Variants in ST6GALNAC3 observed in about 807,000 individuals in gnomAD.
The protein encoded by ST6GALNAC3 is alpha-N-acetylgalactosaminide alpha-2,6-sialyltransferase 3.
ST6GALNAC3 carries 25 observed loss-of-function variants against 32.7 expected under a neutral mutation model. The ratio of observed to expected loss-of-function variants is 0.76; its 90% CI spans 0.56 to 1.07. The LOEUF is 1.07. Among genes scored for constraint, ST6GALNAC3 ranks in the 50% least tolerant of loss-of-function variants. The pLI is 0.00. For missense variants in ST6GALNAC3, 355 were observed against 382.4 expected (o/e 0.93, Z 0.60); for synonymous variants, 129 against 133.1 (o/e 0.97, Z 0.21).
At chr1:76,210,560 A>C (rs1655096959) in intron 1 of ST6GALNAC3, among the ~76,000 whole-genome samples, 1 of 152,160 alleles carries the variant, frequency 6.6e-6, no homozygotes, top group African/African-American at 2.4e-5. Flanking sequence ...AAAATACTGC[A>C]GGCTGGGTGG....
chr1:76,522,299 T>C (rs1662592411), intron 3 of ST6GALNAC3, among the ~76,000 whole-genome samples: 1 of 152,130 alleles, frequency 6.6e-6, no homozygotes, highest in South Asian at 2.1e-4. Context: ...TGCTTTTAGT[T>C]TGCTGATTTT....
intron 1 of ST6GALNAC3, among the ~76,000 whole-genome samples, chr1:76,201,392 T>C (rs557122353): frequency 6.6e-6 from 1 of 152,288 alleles, no homozygotes; most frequent in South Asian, 2.1e-4. Flanking sequence ...GAGAACAGCA[T>C]GGGAAAAATC....
At chr1:76,549,067 A>G (rs1331651948) in intron 3 of ST6GALNAC3, among the ~76,000 whole-genome samples, 1 of 152,216 alleles carries the variant, frequency 6.6e-6, no homozygotes, top group African/African-American at 2.4e-5. Flanking sequence ...CTGGTTATCA[A>G]AATTTGATTT....
At chr1:76,490,080 G>A (rs577436599) in intron 3 of ST6GALNAC3, among the ~76,000 whole-genome samples, 5 of 152,152 alleles carry the variant, frequency 3.3e-5, no homozygotes, top group East Asian at 3.9e-4. Context: ...TCCCTGCCCC[G>A]ACAGCCTCTG....
At chr1:76,179,983 T>A (rs988175944) in intron 1 of ST6GALNAC3, among the ~76,000 whole-genome samples, 1 of 152,222 alleles carries the variant, frequency 6.6e-6, no homozygotes, top group Admixed American at 6.5e-5. Flanking sequence ...TGTTTTCCCC[T>A]TACCATGCTT....
intron 1 of ST6GALNAC3, among the ~76,000 whole-genome samples, chr1:76,267,186 C>T (rs971290888): frequency 3.9e-5 from 6 of 152,148 alleles, no homozygotes; most frequent in African/African-American, 7.2e-5. Flanking sequence ...ACTTTTGATC[C>T]GCAATTATGA....
intron 1 of ST6GALNAC3, among the ~76,000 whole-genome samples, chr1:76,139,207 A>ATAT (rs1267959212): frequency 1.3e-4 from 19 of 149,664 alleles, no homozygotes; most frequent in African/African-American, 4.3e-4. Context: ...GGAAAAAAAA[A>ATAT]AAAAAAATCT....
At chr1:76,485,137 A>C (rs1483611155) in intron 3 of ST6GALNAC3, among the ~76,000 whole-genome samples, 1 of 152,140 alleles carries the variant, frequency 6.6e-6, no homozygotes, top group Non-Finnish European at 1.5e-5. Context: ...TATTTTACTG[A>C]GGATTTTTGC....
Position 76,287,174 on chromosome 1 carries a change from C to T in ST6GALNAC3, c.19-26631C>T, listed in dbSNP as rs538569844. ...TTGGGAAAATAGTCTTGAAGAGGAA[C>T]TGTGTTCACATGTCCTTAGTCATGA... is the stretch of plus-strand genomic sequence containing the variant. On this transcript the variant is annotated intron_variant, in intron 1 of 4. Coordinates refer to ENST00000328299, the MANE Select transcript of ST6GALNAC3 (RefSeq NM_152996.4). Among the ~76,000 whole-genome samples, 23 of 152,286 alleles carry T rather than the reference C, an allele frequency of 1.5e-4. 1 individual carries two copies. The South Asian group carries it at 4.6e-3, about 30-fold the overall frequency.
At position 76,483,686 on chromosome 1, in the gene ST6GALNAC3, A is replaced by T. The variant is rs190254274; in HGVS notation, c.623+71269A>T. 5.3e-5 allele frequency among the ~76,000 whole-genome samples: 8 copies of T among 152,130 alleles called. No individual in the cohort carries two copies. In the East Asian group the frequency reaches 1.5e-3, roughly 29 times the overall value. On this transcript the variant is annotated intron_variant, in intron 3 of 4. Coordinates refer to ENST00000328299, the MANE Select transcript of ST6GALNAC3 (RefSeq NM_152996.4). ...TTCTGTAGGTTGCCTGTTCACTCTGATGGTAGTTTCTTTTGCTGTGCAGAA... is the reference window on the plus strand; with the variant it reads ...TTCTGTAGGTTGCCTGTTCACTCTGTTGGTAGTTTCTTTTGCTGTGCAGAA...
At position 76,449,361 on chromosome 1, in the gene ST6GALNAC3, T is replaced by G. The variant is rs186184558; in HGVS notation, c.623+36944T>G. ...CTTGTTTGCTTCCATGTTTTGGCAA[T>G]TATGAATGCAGCTGCTACAAACATT... is the stretch of plus-strand genomic sequence containing the variant. On this transcript the variant is annotated intron_variant, in intron 3 of 4. Transcript: ENST00000328299. 1.9e-3 allele frequency among the ~76,000 whole-genome samples: 287 copies of G among 152,358 alleles called. 1 individual carries two copies. Among genetic ancestry groups the G allele is most frequent in the African/African-American group, 6.5e-3 (272 of 41,578 alleles).
At chr1:76,590,367 T>A (rs1167299425) in intron 3 of ST6GALNAC3, among the ~76,000 whole-genome samples, 2 of 152,248 alleles carry the variant, frequency 1.3e-5, no homozygotes, top group Non-Finnish European at 2.9e-5. Context: ...AGTTGTCAGA[T>A]GTTTCAGTAA....
intron 1 of ST6GALNAC3, among the ~76,000 whole-genome samples, chr1:76,301,481 T>C (rs2100849291): frequency 6.6e-6 from 1 of 152,206 alleles, no homozygotes; most frequent in Non-Finnish European, 1.5e-5. Context: ...GGGGAAACTA[T>C]ACGTAATAAA....
intron 3 of ST6GALNAC3, among the ~76,000 whole-genome samples, chr1:76,580,956 A>G (rs1646883688): frequency 6.6e-6 from 1 of 152,098 alleles, no homozygotes; most frequent in Non-Finnish European, 1.5e-5. Flanking sequence ...TTGGAGTGTT[A>G]TGGGATTTTA....
intron 2 of ST6GALNAC3, among the ~76,000 whole-genome samples, chr1:76,397,538 T>A (rs1010949783): frequency 1.1e-5 from 1 of 91,814 alleles, no homozygotes; most frequent in African/African-American, 3.3e-5. Context: ...CCCAGCTAAT[T>A]GTTGCATTTT....
chr1:76,279,988 TCCTG>T (rs1659405177), intron 1 of ST6GALNAC3, among the ~76,000 whole-genome samples: 1 of 24,656 alleles, frequency 4.1e-5, no homozygotes, highest in African/African-American at 2.4e-4. Flanking sequence ...CCTGTCTCTC[TCCTG>T]TCTTTTCTCT....
chr1:76,096,276 C>G (rs779471527), intron 1 of ST6GALNAC3, among the ~76,000 whole-genome samples: 1 of 152,092 alleles, frequency 6.6e-6, no homozygotes, highest in Non-Finnish European at 1.5e-5. Context: ...AAACTTCTGG[C>G]TGAAAATATT....
intron 3 of ST6GALNAC3, among the ~76,000 whole-genome samples, chr1:76,590,170 T>A (rs1647025598): frequency 6.6e-6 from 1 of 152,108 alleles, no homozygotes; most frequent in African/African-American, 2.4e-5. Context: ...GATCCATAGA[T>A]CTCTCTTTGT....
intron 3 of ST6GALNAC3, among the ~76,000 whole-genome samples, chr1:76,512,798 C>T (rs1661947573): frequency 6.6e-6 from 1 of 152,094 alleles, no homozygotes; most frequent in African/African-American, 2.4e-5. Flanking sequence ...TATTTATATA[C>T]ACACAAACAC....
Sources: gnomAD v4.1 joint callset for allele counts (sites outside exome capture counted in the v4.1 genomes callset) on GRCh38, gnomAD v4.1.1 for gene constraint, MANE v1.5 for transcripts, NCBI Gene and HGNC (gene_info 2026-07-23, HGNC 2026-07-21) for gene names.